Variants in CDH23 observed in about 807,000 individuals in gnomAD.
CDH23 encodes the protein cadherin-23.
In CDH23, 189 loss-of-function variants were observed where a neutral mutation model predicts 317.1. The observed-to-expected ratio is 0.60, with a 90% confidence interval of 0.53 to 0.67. CDH23 has a LOEUF of 0.67. Among genes scored for constraint, CDH23 ranks in the 30% least tolerant of loss-of-function variants. The pLI, the probability that CDH23 is intolerant of heterozygous loss-of-function variation, is 0.00. For synonymous variants in CDH23, 1,839 were observed against 1,876.8 expected (o/e 0.98, Z 0.52); for missense variants, 4,401 against 4,592.4 (o/e 0.96, Z 1.20).
chr10:71,494,462 T>A lies in CDH23; in HGVS notation c.146-15620T>A, dbSNP rs138518736. Among the ~76,000 whole-genome samples the A allele has an allele frequency of 2.5e-3, 377 of 152,324 alleles. 2 individuals carry two copies. Among genetic ancestry groups the A allele is most frequent in the African/African-American group, 8.5e-3 (353 of 41,566 alleles). On this transcript the variant is annotated intron_variant, in intron 3 of 69. Transcript: ENST00000224721. ...CTGAATCTTAAATCCTGGCTCTACC[T>A]CTTCCTAGCTGTGTGATCTTCGGCA...
chr10:71,441,168 T>G (rs1849857729), intron 2 of CDH23, among the ~76,000 whole-genome samples: 1 of 152,068 alleles, frequency 6.6e-6, no homozygotes, highest in African/African-American at 2.4e-5. Flanking sequence ...CTGGAGAAGC[T>G]ACTGGCCCAA....
At chr10:71,660,588 G>T (rs2132630869) in intron 14 of CDH23, among the ~76,000 whole-genome samples, 1 of 152,120 alleles carries the variant, frequency 6.6e-6, no homozygotes, top group East Asian at 1.9e-4. Context: ...GCAAACTTCT[G>T]CTTTCATCTC....
intron 10 of CDH23, among the ~76,000 whole-genome samples, chr10:71,616,024 T>C (rs1366857094): frequency 6.6e-6 from 1 of 152,198 alleles, no homozygotes; most frequent in East Asian, 1.9e-4. Flanking sequence ...TGACTTCCTG[T>C]TAAGAAACAG....
intron 1 of CDH23, among the ~76,000 whole-genome samples, chr10:71,436,208 G>A (rs541571095): frequency 6.6e-6 from 1 of 152,346 alleles, no homozygotes; most frequent in East Asian, 1.9e-4. Context: ...CAGAATTAGG[G>A]TTGTGTGCAT....
chr10:71,738,524 T>C lies in CDH23; in HGVS notation c.4236T>C (p.Asn1412=). The C allele has an allele frequency of 2.5e-6, 4 of 1,613,976 alleles. No individual in the cohort carries two copies. Among genetic ancestry groups the C allele is most frequent in the Non-Finnish European group, 3.4e-6 (4 of 1,179,900 alleles). ...VKVYITVLDE[N]DNSPRFDFTS... ...TCTACATCACTGTGCTGGACGAGAATGACAACAGCCCCCGGTTTGACTTCA... is the reference window on the plus strand; with the variant it reads ...TCTACATCACTGTGCTGGACGAGAACGACAACAGCCCCCGGTTTGACTTCA... The change falls in exon 35 of 70, where the codon AAT becomes AAC. Residue 1412 remains asparagine, a synonymous_variant. Transcript: ENST00000224721.
At chr10:71,420,000 C>T (rs552597514) in intron 1 of CDH23, among the ~76,000 whole-genome samples, 1 of 152,256 alleles carries the variant, frequency 6.6e-6, no homozygotes, top group East Asian at 1.9e-4. Context: ...TGCTGGATGC[C>T]TTGCACTCAG....
At chr10:71,734,791 C>G in intron 34 of CDH23, 133 bp downstream of exon 34, 4 of 534,302 alleles carry the variant, frequency 7.5e-6, no homozygotes, top group South Asian at 5.6e-5. Context: ...CAGGCCCCCT[C>G]CCAGTGCCTC....
At chr10:71,536,407 C>T (rs1042878469) in intron 6 of CDH23, among the ~76,000 whole-genome samples, 1 of 152,072 alleles carries the variant, frequency 6.6e-6, no homozygotes, top group Admixed American at 6.6e-5. Flanking sequence ...GGGTGGGCTG[C>T]GAACAGTGGA....
At chr10:71,784,526 G>A (rs1037575411) in intron 42 of CDH23, 106 bp downstream of exon 42, 79 of 1,461,110 alleles carry the variant, frequency 5.4e-5, no homozygotes, top group Non-Finnish European at 6.9e-5. Context: ...GCCACAGGCT[G>A]CCCTGGAGCC....
intron 14 of CDH23, among the ~76,000 whole-genome samples, chr10:71,658,219 G>A (rs556284626): frequency 3.3e-5 from 5 of 152,240 alleles, no homozygotes; most frequent in Non-Finnish European, 5.9e-5. Context: ...CCTAAATGGC[G>A]TGGAGTGAGA....
rs529482526 is a variant in CDH23, at chr10:71,655,763, T to A, written c.1449+9146T>A. On this transcript the variant is annotated intron_variant, in intron 14 of 69. Transcript: ENST00000224721. ...CTAGGACAGTTGCTGGAGGAAGGAA[T>A]GTGGGCAGGAGAAGGTTAGCAGAGG... Among the ~76,000 whole-genome samples the A allele has an allele frequency of 9.3e-4, 141 of 151,952 alleles. 1 individual carries two copies. In the Middle Eastern group the frequency reaches 0.024, roughly 26 times the overall value.
At chr10:71,465,758 G>A (rs2132072694) in intron 3 of CDH23, among the ~76,000 whole-genome samples, 1 of 152,330 alleles carries the variant, frequency 6.6e-6, no homozygotes, top group East Asian at 1.9e-4. Context: ...GTCCTGTCAG[G>A]TAGCCGCGCT....
intron 36 of CDH23, 133 bp downstream of exon 36, chr10:71,739,905 T>C (rs1839687610): frequency 1.9e-6 from 2 of 1,054,908 alleles, no homozygotes; most frequent in Non-Finnish European, 1.3e-6. Context: ...CCAAGTAACA[T>C]GGGGCCAGCT....
chr10:71,776,631 C>G (rs1449516831), intron 38 of CDH23, among the ~76,000 whole-genome samples: 1 of 152,162 alleles, frequency 6.6e-6, no homozygotes. Flanking sequence ...CCACAGGAAG[C>G]CACTACCACT....
intron 38 of CDH23, chr10:71,761,465 CCA>C (rs2132889244): frequency 9.0e-7 from 1 of 1,107,524 alleles, no homozygotes; most frequent in African/African-American, 1.6e-5. Context: ...CCCATCTCAC[CCA>C]CACACTCCCT....
At chr10:71,704,797 T>C (rs1865716163) in intron 24 of CDH23, 114 bp from the exon 25 acceptor site, 1 of 816,510 alleles carries the variant, frequency 1.2e-6, no homozygotes, top group Non-Finnish European at 2.0e-6. Context: ...GGGGAGCAGA[T>C]GTGTCTAGCT....
chr10:71,448,287 T>C (rs529403437), intron 3 of CDH23, among the ~76,000 whole-genome samples: 1 of 152,378 alleles, frequency 6.6e-6, no homozygotes, highest in Non-Finnish European at 1.5e-5. Context: ...GTCCTTCTCC[T>C]GCTGCCTTCA....
chr10:71,735,360 A>G (rs971831156), intron 34 of CDH23, among the ~76,000 whole-genome samples: 4 of 152,146 alleles, frequency 2.6e-5, no homozygotes, highest in Admixed American at 6.5e-5. Context: ...TGAGGTCAGA[A>G]GAGCCAGACA....
chr10:71,783,974 A>G (rs752193947), intron 41 of CDH23, among the ~76,000 whole-genome samples: 2 of 152,152 alleles, frequency 1.3e-5, no homozygotes, highest in Non-Finnish European at 2.9e-5. Context: ...CTTTTTCAAC[A>G]TAGCCATCTT....
Sources: allele counts gnomAD v4.1 joint callset (sites outside exome capture counted in the v4.1 genomes callset), GRCh38; gene constraint gnomAD v4.1.1; transcripts MANE v1.5; gene names NCBI Gene and HGNC (gene_info 2026-07-23, HGNC 2026-07-21).